The following NSUN2 variants were observed in gnomAD, a reference collection of about 807,000 sequenced individuals.
NSUN2 encodes the protein NOP2/Sun RNA methyltransferase 2, also known as RNA cytosine C(5)-methyltransferase NSUN2.
Under a neutral mutation model 92.7 loss-of-function variants are expected in NSUN2, and 63 were observed. The ratio of observed to expected loss-of-function variants is 0.68; its 90% confidence interval spans 0.56 to 0.84. NSUN2 has a LOEUF of 0.84. Ranked by LOEUF, NSUN2 falls within the 40% of genes least tolerant of loss-of-function variation. NSUN2 has a pLI of 0.00. For synonymous variants in NSUN2, 356 were observed against 348.3 expected, an observed-to-expected ratio of 1.02 and a Z score of -0.25; for missense variants, 989 against 964.9, an observed-to-expected ratio of 1.02 and a Z score of -0.33.
intron 7 of NSUN2, among the ~76,000 whole-genome samples, chr5:6,619,265 G>A (rs79483746): frequency 0.014 from 2,128 of 152,286 alleles, 29 homozygotes; most frequent in Middle Eastern, 0.027. Context: ...AGAGCCACCA[G>A]CTGCAAGTTT....
rs371939887 is a variant in NSUN2 at position 6,616,871 on chromosome 5, T to C, written c.891-14A>G. 10 of 1,609,852 alleles carry C rather than the reference T, an allele frequency of 6.2e-6. No homozygotes were observed. The highest frequency in any genetic ancestry group is 5.5e-5 in the South Asian group (5 of 90,294). ...CGCAGCTGTAAGCTAAGGGGAGATA[T>C]CAGATGACTGCAAGGCCAAATGTAT... On this transcript the variant is annotated splice_polypyrimidine_tract_variant and intron_variant, in intron 8 of 18. Coordinates refer to ENST00000264670, the MANE Select transcript of NSUN2 (RefSeq NM_017755.6).
At chr5:6,604,091 T>C (rs1270253905) in intron 17 of NSUN2, 47 bp downstream of exon 17, 7 of 1,571,280 alleles carry the variant, frequency 4.5e-6, no homozygotes, top group Non-Finnish European at 5.2e-6. Context: ...TTGCTGGCCT[T>C]ATAAAGGGAA....
At chr5:6,632,263 G>C (rs1294031261) in intron 2 of NSUN2, among the ~76,000 whole-genome samples, 1 of 151,998 alleles carries the variant, frequency 6.6e-6, no homozygotes, top group African/African-American at 2.4e-5. Context: ...ATGGAGGGGG[G>C]GCGCGGAGGA....
Position 6,600,162 on chromosome 5 carries a change from C to T in NSUN2, c.2068G>A (p.Val690Met), listed in dbSNP as rs1322280713. The T allele has an allele frequency of 5.0e-6, 8 of 1,614,202 alleles. No homozygotes were observed. Among genetic ancestry groups the T allele is most frequent in the Non-Finnish European group, 6.8e-6 (8 of 1,180,030 alleles). Residue 690 changes from valine to methionine, a missense_variant, in exon 19 of 19, where the codon GTG becomes ATG. Around this residue, in one of 3 missense-constraint regions of NSUN2, gnomAD observed 626 missense variants for 602.3 expected, o/e 1.04. Coordinates refer to ENST00000264670, the MANE Select transcript of NSUN2 (RefSeq NM_017755.6). ...TAATGAAGCCGTTCATTCTTGGGCA[C>T]AAAAGTTCGAATGGAGGCCTTTCCC... Reference protein sequence around the residue: ...WRGKASIRTFVPKNERLHYLR... With the variant: ...WRGKASIRTFMPKNERLHYLR...
In NSUN2 at chr5:6,604,118, A is replaced by C. The variant is rs112878196; in HGVS notation, c.1957+20T>G. ...TAAAGGGAATACAAGTTATGTCTCT[A>C]TGCATTTCCAACTACTCACCCAGGT... is the stretch of plus-strand genomic sequence containing the variant. On this transcript the variant is annotated intron_variant, in intron 17 of 18. Coordinates refer to ENST00000264670, the MANE Select transcript of NSUN2 (RefSeq NM_017755.6). The C allele has an allele frequency of 1.9e-6, 3 of 1,608,054 alleles. No individual in the cohort carries two copies. Among genetic ancestry groups the C allele is most frequent in the East Asian group, 2.2e-5 (1 of 44,876 alleles).
chr5:6,607,442 G>T lies in NSUN2; in HGVS notation c.1324-58C>A, dbSNP rs545911129. On this transcript the variant is annotated intron_variant, in intron 12 of 18. Transcript: ENST00000264670. ...AGAGGAGCATTCTTTGTGCTGCTACGAAAAGTTAAAAATACCACGTTCACA... is the reference window on the plus strand; with the variant it reads ...AGAGGAGCATTCTTTGTGCTGCTACTAAAAGTTAAAAATACCACGTTCACA... 5.6e-5 allele frequency: 82 copies of T among 1,466,422 alleles called. 2 individuals carry two copies. In the South Asian group the frequency reaches 9.7e-4, roughly 17 times the overall value. The allele number at this position is 1,466,422 out of a possible 1,614,324, so 90.8% of individuals were successfully genotyped here. A position where few individuals can be genotyped will look rare whatever the true frequency, so the allele number is the denominator to read the frequency against.
At chr5:6,617,497 T>A (rs1370376413) in intron 8 of NSUN2, among the ~76,000 whole-genome samples, 1 of 152,218 alleles carries the variant, frequency 6.6e-6, no homozygotes, top group Non-Finnish European at 1.5e-5. Flanking sequence ...GACGTGATCA[T>A]CGTGTTATGA....
intron 11 of NSUN2, 45 bp from the exon 12 acceptor site, chr5:6,609,967 G>T: frequency 7.7e-7 from 1 of 1,304,822 alleles, no homozygotes; most frequent in Non-Finnish European, 1.1e-6. Context: ...AATCAAAAAT[G>T]CATTCTTTTA....
chr5:6,626,825 T>C (rs969525051), intron 3 of NSUN2, among the ~76,000 whole-genome samples: 1 of 152,210 alleles, frequency 6.6e-6, no homozygotes, highest in Admixed American at 6.5e-5. Flanking sequence ...GATGCAGTAA[T>C]ACACTCAATT....
At chr5:6,605,246 A>G in intron 15 of NSUN2, 27 bp downstream of exon 15, 1 of 1,612,816 alleles carries the variant, frequency 6.2e-7, no homozygotes, top group Non-Finnish European at 8.5e-7. Flanking sequence ...CGCATCACAC[A>G]GCACTCAGCG....
chr5:6,601,814 T>C (rs1056861291), intron 18 of NSUN2, among the ~76,000 whole-genome samples: 1 of 152,162 alleles, frequency 6.6e-6, no homozygotes, highest in African/African-American at 2.4e-5. Flanking sequence ...AGAAATGGTG[T>C]TGCATGTCAC....
At chr5:6,614,651 C>A (rs3822431) in intron 9 of NSUN2, among the ~76,000 whole-genome samples, 1 of 151,872 alleles carries the variant, frequency 6.6e-6, no homozygotes, top group South Asian at 2.1e-4. Flanking sequence ...AACGTTGGCA[C>A]GTTCAGGAAA....
chr5:6,631,787 G>A, intron 3 of NSUN2, 86 bp downstream of exon 3: 3 of 1,003,180 alleles, frequency 3.0e-6, no homozygotes, highest in Non-Finnish European at 4.6e-6. Context: ...CTCTTTAACA[G>A]CAAATGCAGT....
At chr5:6,610,880 A>G in intron 11 of NSUN2, 75 bp downstream of exon 11, 1 of 1,563,562 alleles carries the variant, frequency 6.4e-7, no homozygotes, top group East Asian at 2.3e-5. Context: ...ACTCACCCCA[A>G]CAAGACTCAC....
intron 13 of NSUN2, 112 bp from the exon 14 acceptor site, chr5:6,607,024 G>A: frequency 1.0e-6 from 1 of 959,946 alleles, no homozygotes; most frequent in Non-Finnish European, 1.6e-6. Context: ...ACGGTTTGCG[G>A]CAGATGTTGA....
intron 11 of NSUN2, among the ~76,000 whole-genome samples, chr5:6,610,145 C>T (rs2126480473): frequency 6.6e-6 from 1 of 151,988 alleles, no homozygotes; most frequent in South Asian, 2.1e-4. Flanking sequence ...CCCACTGTAG[C>T]CTCCGCCTCC....
chr5:6,599,860 C>G lies in NSUN2; in HGVS notation c.*66G>C. On this transcript the variant is annotated 3_prime_UTR_variant, in exon 19 of 19. Coordinates refer to ENST00000264670, the MANE Select transcript of NSUN2 (RefSeq NM_017755.6). ...AGGCTGCTCTGGATTTGGTTTCAGA[C>G]ACCAGTGACCAGAAGAAGCCAGTTT... The G allele has an allele frequency of 6.9e-7, 1 of 1,446,194 alleles. No individual in the cohort carries two copies. The highest frequency in any genetic ancestry group is 9.5e-7 in the Non-Finnish European group (1 of 1,051,640). The allele number at this position is 1,446,194 out of a possible 1,614,324, so 89.6% of individuals were successfully genotyped here.
chr5:6,615,590 C>T (rs1179164971), intron 9 of NSUN2, among the ~76,000 whole-genome samples: 3 of 139,426 alleles, frequency 2.2e-5, no homozygotes, highest in African/African-American at 8.3e-5. Flanking sequence ...CACAACATTA[C>T]ATTCCAGCTT....
At chr5:6,631,121 C>T (rs1348167203) in intron 3 of NSUN2, among the ~76,000 whole-genome samples, 1 of 152,116 alleles carries the variant, frequency 6.6e-6, no homozygotes, top group African/African-American at 2.4e-5. Context: ...AAACAAAAAA[C>T]GGCTTAATTC....
Sources: allele counts gnomAD v4.1 joint callset (sites outside exome capture counted in the v4.1 genomes callset), GRCh38; gene constraint gnomAD v4.1.1; regional missense constraint gnomAD v4.1.1; transcripts MANE v1.5; gene names NCBI Gene and HGNC (gene_info 2026-07-23, HGNC 2026-07-21).